Variants in SLC25A21 observed in about 807,000 individuals in gnomAD.
The protein encoded by SLC25A21 is solute carrier family 25 member 21.
Under a neutral mutation model 43.8 loss-of-function variants are expected in SLC25A21, and 47 were observed. That is an observed-to-expected ratio of 1.07 (90% CI 0.85 to 1.37). The LOEUF is 1.37. Among genes scored for constraint, SLC25A21 ranks in the 40% most tolerant of loss-of-function variants. SLC25A21 has a pLI of 0.00. For synonymous variants in SLC25A21, 131 were observed against 121.3 expected (o/e 1.08, Z -0.52); for missense variants, 352 against 350.2 (o/e 1.00, Z -0.04).
At chr14:37,111,682 T>C (rs1963022123) in intron 1 of SLC25A21, among the ~76,000 whole-genome samples, 2 of 152,176 alleles carry the variant, frequency 1.3e-5, no homozygotes, top group African/African-American at 4.8e-5. Context: ...AAGGTAGAGA[T>C]TGCTACCATA....
At chr14:36,861,028 T>C (rs1270814925) in intron 2 of SLC25A21, among the ~76,000 whole-genome samples, 1 of 152,200 alleles carries the variant, frequency 6.6e-6, no homozygotes, top group Non-Finnish European at 1.5e-5. Flanking sequence ...GCCCAGAGTA[T>C]GTAGAGTTGC....
Position 36,746,492 on chromosome 14 carries a change from T to C in SLC25A21, c.204-11919A>G, listed in dbSNP as rs10146013. Among the ~76,000 whole-genome samples the C allele has an allele frequency of 6.9e-3, 1,053 of 152,270 alleles. 11 individuals carry two copies. The highest frequency in any genetic ancestry group is 0.024 in the African/African-American group (1,004 of 41,558). ...GGGTGAGGAAAACAATACCACCTACTGGGTATAATGTACATTTATTTGGGC... is the reference window on the plus strand; with the variant it reads ...GGGTGAGGAAAACAATACCACCTACCGGGTATAATGTACATTTATTTGGGC... On this transcript the variant is annotated intron_variant, in intron 3 of 9. Transcript: ENST00000331299.
At chr14:36,898,249 C>T (rs1023837166) in intron 1 of SLC25A21, among the ~76,000 whole-genome samples, 1 of 152,222 alleles carries the variant, frequency 6.6e-6, no homozygotes, top group African/African-American at 2.4e-5. Flanking sequence ...GCCCCTCCCC[C>T]AGCCTCGCTG....
intron 1 of SLC25A21, among the ~76,000 whole-genome samples, chr14:36,983,391 G>A (rs571733927): frequency 6.6e-6 from 1 of 152,156 alleles, no homozygotes. Context: ...TAGTGTAGGT[G>A]CTAATATACA....
At chr14:37,156,155 T>A (rs1440957478) in intron 1 of SLC25A21, among the ~76,000 whole-genome samples, 3 of 96,496 alleles carry the variant, frequency 3.1e-5, no homozygotes, top group African/African-American at 1.1e-4. Flanking sequence ...TGAGACTCCA[T>A]CTCAAAAAAA....
chr14:36,830,753 A>G (rs1190817218), intron 2 of SLC25A21, among the ~76,000 whole-genome samples: 1 of 152,114 alleles, frequency 6.6e-6, no homozygotes, highest in Admixed American at 6.6e-5. Context: ...AACCCACATC[A>G]TCCCCTCCTC....
chr14:36,991,312 T>C (rs1265946057), intron 1 of SLC25A21, among the ~76,000 whole-genome samples: 1 of 152,166 alleles, frequency 6.6e-6, no homozygotes, highest in Non-Finnish European at 1.5e-5. Flanking sequence ...ACCTTGGTTT[T>C]GATTCCTCAA....
At chr14:36,989,410 T>G (rs999556787) in intron 1 of SLC25A21, among the ~76,000 whole-genome samples, 5 of 152,102 alleles carry the variant, frequency 3.3e-5, no homozygotes, top group Non-Finnish European at 7.4e-5. Context: ...CTTTAAATAT[T>G]GGGAGGGGGG....
At chr14:36,773,825 C>A (rs1431076085) in intron 3 of SLC25A21, among the ~76,000 whole-genome samples, 2 of 152,144 alleles carry the variant, frequency 1.3e-5, no homozygotes, top group African/African-American at 4.8e-5. Flanking sequence ...CATGCTCTTG[C>A]CCATTACATC....
intron 3 of SLC25A21, among the ~76,000 whole-genome samples, chr14:36,747,473 C>G (rs1885544485): frequency 6.6e-6 from 1 of 152,196 alleles, no homozygotes; most frequent in East Asian, 1.9e-4. Flanking sequence ...CCTGATTTAA[C>G]AGCTTGACCT....
intron 1 of SLC25A21, among the ~76,000 whole-genome samples, chr14:37,114,044 G>A (rs924163033): frequency 6.6e-6 from 1 of 152,064 alleles, no homozygotes; most frequent in Non-Finnish European, 1.5e-5. Flanking sequence ...GTTAAACATG[G>A]TGATGCAACA....
At chr14:36,945,455 A>G (rs1027760970) in intron 1 of SLC25A21, among the ~76,000 whole-genome samples, 2 of 152,200 alleles carry the variant, frequency 1.3e-5, no homozygotes, top group Non-Finnish European at 2.9e-5. Flanking sequence ...AAGAGGTAGA[A>G]GCAACCCGTG....
chr14:36,711,231 G>C (rs1481664430), intron 7 of SLC25A21, 87 bp downstream of exon 7: 2 of 1,248,986 alleles, frequency 1.6e-6, no homozygotes, highest in Admixed American at 3.9e-5. Flanking sequence ...CCAGCACAGT[G>C]ACCAGGACAG....
At chr14:36,743,501 CA>C (rs1327827201) in intron 3 of SLC25A21, among the ~76,000 whole-genome samples, 1 of 151,742 alleles carries the variant, frequency 6.6e-6, no homozygotes, top group Non-Finnish European at 1.5e-5. Context: ...AATCATGGAG[CA>C]AAAAAAGTCC....
intron 1 of SLC25A21, among the ~76,000 whole-genome samples, chr14:37,115,639 C>T (rs1406962627): frequency 6.6e-6 from 1 of 152,102 alleles, no homozygotes; most frequent in Non-Finnish European, 1.5e-5. Context: ...ATGTATTTGA[C>T]TTTGATATGT....
intron 3 of SLC25A21, among the ~76,000 whole-genome samples, chr14:36,802,388 A>G (rs1887897542): frequency 6.6e-6 from 1 of 152,174 alleles, no homozygotes; most frequent in African/African-American, 2.4e-5. Context: ...AGTTACGAGT[A>G]ATTGGCTACA....
rs183605694 is a variant in SLC25A21, at chr14:36,769,413, C to A, written c.204-34840G>T. Among the ~76,000 whole-genome samples the A allele has an allele frequency of 1.7e-3, 260 of 152,272 alleles. 1 individual carries two copies. The highest frequency in any genetic ancestry group is 2.7e-3 in the Non-Finnish European group (183 of 68,022). On this transcript the variant is annotated intron_variant, in intron 3 of 9. Coordinates refer to ENST00000331299, the MANE Select transcript of SLC25A21 (RefSeq NM_030631.4). ...TCTTCAAGTATTGCTGTTTTAAAAACTATCAGTTTTGAAGGTGGTTCAGAA... is the reference window on the plus strand; with the variant it reads ...TCTTCAAGTATTGCTGTTTTAAAAAATATCAGTTTTGAAGGTGGTTCAGAA...
At chr14:36,858,550 G>C (rs985866213) in intron 2 of SLC25A21, among the ~76,000 whole-genome samples, 6 of 152,062 alleles carry the variant, frequency 3.9e-5, no homozygotes, top group African/African-American at 1.5e-4. Context: ...TGTGTGATGA[G>C]AGCAAAATAT....
intron 1 of SLC25A21, among the ~76,000 whole-genome samples, chr14:36,904,037 T>C (rs1378000157): frequency 6.6e-6 from 1 of 152,240 alleles, no homozygotes; most frequent in South Asian, 2.1e-4. Flanking sequence ...TTTCCACGAA[T>C]ACTGCTTTTC....
Sources: allele counts gnomAD v4.1 joint callset (sites outside exome capture counted in the v4.1 genomes callset), GRCh38; gene constraint gnomAD v4.1.1; transcripts MANE v1.5; gene names NCBI Gene and HGNC (gene_info 2026-07-23, HGNC 2026-07-21).